The following RPS6KA2 variants were observed in gnomAD, a reference collection of about 807,000 sequenced individuals.
The protein encoded by RPS6KA2 is ribosomal protein S6 kinase A2.
Under a neutral mutation model 91.8 loss-of-function variants are expected in RPS6KA2, and 42 were observed. The ratio of observed to expected loss-of-function variants is 0.46; its 90% CI spans 0.36 to 0.59. The LOEUF (loss-of-function observed/expected upper bound fraction) is 0.59, where lower values mean the gene tolerates loss of function less well. Ranked by LOEUF, RPS6KA2 falls within the 20% of genes least tolerant of loss-of-function variation. RPS6KA2 has a pLI of 0.00. For synonymous variants in RPS6KA2, 414 were observed against 393.6 expected, an observed-to-expected ratio of 1.05 and a Z score of -0.61; for missense variants, 798 against 978.5, an observed-to-expected ratio of 0.82 and a Z score of 2.46.
intron 16 of RPS6KA2, among the ~76,000 whole-genome samples, chr6:166,425,548 G>A (rs1778879077): frequency 6.6e-6 from 1 of 152,114 alleles, no homozygotes; most frequent in African/African-American, 2.4e-5. Flanking sequence ...GCTGTATTCA[G>A]GAAACGCATC....
At chr6:166,538,940 C>CT (rs377486327) in intron 1 of RPS6KA2, among the ~76,000 whole-genome samples, 156 bp from the exon 2 acceptor site, 24 of 148,984 alleles carry the variant, frequency 1.6e-4, no homozygotes, top group East Asian at 3.9e-4. Flanking sequence ...GTGTTTTTTT[C>CT]TTTTTTTTTT....
chr6:166,456,957 CA>C (rs1261969241), intron 12 of RPS6KA2, among the ~76,000 whole-genome samples: 13 of 151,990 alleles, frequency 8.6e-5, no homozygotes, highest in Admixed American at 8.5e-4. Flanking sequence ...TCTAGAAGCT[CA>C]AAAAAAGCTT....
At chr6:166,543,522 T>C (rs1469892221) in intron 1 of RPS6KA2, among the ~76,000 whole-genome samples, 1 of 152,204 alleles carries the variant, frequency 6.6e-6, no homozygotes, top group East Asian at 1.9e-4. Flanking sequence ...TGGGCATGGC[T>C]ATTCACTCCC....
At chr6:166,561,937 G>A (rs371186231) in intron 1 of RPS6KA2, among the ~76,000 whole-genome samples, 10 of 152,196 alleles carry the variant, frequency 6.6e-5, no homozygotes, top group South Asian at 2.1e-4. Flanking sequence ...AAGTGAGGGC[G>A]TACTGAGCAC....
At chr6:166,439,242 G>A (rs1039327154) in intron 14 of RPS6KA2, among the ~76,000 whole-genome samples, 4 of 152,104 alleles carry the variant, frequency 2.6e-5, no homozygotes, top group Non-Finnish European at 5.9e-5. Flanking sequence ...TGAGTAGTTC[G>A]GATTACAGGC....
rs546331042 is a variant in RPS6KA2 at position 166,730,265 on chromosome 6, G to C, written c.123+127935C>G. On this transcript the variant is annotated intron_variant, in intron 2 of 21. Transcript: ENST00000503859. ...TTTTATCTGGTAAACTGTATGGGAG[G>C]CATTGTCAAATGATAAATTATATGG... Among the ~76,000 whole-genome samples, 31 of 150,372 alleles carry C rather than the reference G, an allele frequency of 2.1e-4. 1 individual carries two copies. In the South Asian group the frequency reaches 5.0e-3, roughly 24 times the overall value.
At chr6:166,785,097 T>G (rs1048858783) in intron 2 of RPS6KA2, among the ~76,000 whole-genome samples, 2 of 152,256 alleles carry the variant, frequency 1.3e-5, no homozygotes, top group Non-Finnish European at 2.9e-5. Flanking sequence ...TCTACCTATC[T>G]GTCTGCATCT....
chr6:166,448,910 T>C lies in RPS6KA2; in HGVS notation c.1207-61A>G. On this transcript the variant is annotated intron_variant, in intron 13 of 20. Coordinates refer to ENST00000265678, the MANE Select transcript of RPS6KA2 (RefSeq NM_021135.6). This position sits in a 1 kb window ranked among gnomAD's most constrained non-coding sequence, Gnocchi z 4.7. Reference sequence around the variant, plus strand: ...CCCTCACACGAGGGGACGGTGCAGCTACACGCACACAGAATGTGGGGCGAA... The same window carrying C: ...CCCTCACACGAGGGGACGGTGCAGCCACACGCACACAGAATGTGGGGCGAA... The C allele has an allele frequency of 1.3e-6, 2 of 1,593,842 alleles. No homozygotes were observed. Among genetic ancestry groups the C allele is most frequent in the Non-Finnish European group, 1.7e-6 (2 of 1,165,934 alleles).
In RPS6KA2 at chr6:166,641,499, G is replaced by A. The variant is rs200397252; in HGVS notation, c.124-102715C>T. ...AGCACTTTGGGAGGCTGAGGTGGGC[G>A]GATCACTTGAAGTCAGGAGTTCAAG... On this transcript the variant is annotated intron_variant, in intron 2 of 21. Coordinates refer to the RPS6KA2 transcript ENST00000503859. 4.0e-4 allele frequency among the ~76,000 whole-genome samples: 60 copies of A among 151,686 alleles called. No homozygotes were observed. The East Asian group carries it at 8.1e-3, about 21-fold the overall frequency.
At chr6:166,851,646 C>T (rs373871828) in intron 2 of RPS6KA2, among the ~76,000 whole-genome samples, 10 of 152,136 alleles carry the variant, frequency 6.6e-5, no homozygotes, top group Non-Finnish European at 1.2e-4. Flanking sequence ...AGTCTCCAGC[C>T]GGTGCCCACG....
intron 1 of RPS6KA2, among the ~76,000 whole-genome samples, chr6:166,582,428 G>A (rs1339883404): frequency 6.6e-6 from 1 of 152,226 alleles, no homozygotes; most frequent in Non-Finnish European, 1.5e-5. Flanking sequence ...CCATCACGCT[G>A]ACTGTTCACA....
chr6:166,842,375 GGA>G (rs1250365123), intron 2 of RPS6KA2, among the ~76,000 whole-genome samples: 5 of 152,132 alleles, frequency 3.3e-5, no homozygotes, highest in Non-Finnish European at 7.4e-5. Flanking sequence ...GGTGGAGACT[GGA>G]GAGAGAATCC....
chr6:166,467,174 A>C (rs556178311), intron 11 of RPS6KA2, among the ~76,000 whole-genome samples: 26 of 151,210 alleles, frequency 1.7e-4, no homozygotes, highest in African/African-American at 5.6e-4. Context: ...TCACTCACTC[A>C]CTCCCTTACT....
At position 166,767,920 on chromosome 6, in the gene RPS6KA2, T is replaced by C. The variant is rs1452740711; in HGVS notation, c.123+90280A>G. On this transcript the variant is annotated intron_variant, in intron 2 of 21. Coordinates refer to the RPS6KA2 transcript ENST00000503859. The surrounding 1 kb of genome is among the most constrained non-coding windows in gnomAD (Gnocchi z 4.6). ...GTGCAAACCTTGGGGGTTTTATTTTTCCACGACTGTGGAGTCTGCCTCTGT... is the reference window on the plus strand; with the variant it reads ...GTGCAAACCTTGGGGGTTTTATTTTCCCACGACTGTGGAGTCTGCCTCTGT... Among the ~76,000 whole-genome samples the C allele has an allele frequency of 6.6e-6, 1 of 152,160 alleles. No homozygotes were observed. Among genetic ancestry groups the C allele is most frequent in the Admixed American group, 6.5e-5 (1 of 15,276 alleles).
rs889839737 is a variant in RPS6KA2, at chr6:166,558,238, C to A, written c.100-19454G>T. 9.9e-5 allele frequency among the ~76,000 whole-genome samples: 15 copies of A among 151,448 alleles called. 1 individual carries two copies. The highest frequency in any genetic ancestry group is 9.9e-4 in the Admixed American group (15 of 15,212). Reference sequence around the variant, plus strand: ...GGTCTCCAGTTAGCAGGCTAGAGACCCAGGAAGAACTGATGTTTTAGTTCA... The same window carrying A: ...GGTCTCCAGTTAGCAGGCTAGAGACACAGGAAGAACTGATGTTTTAGTTCA... On this transcript the variant is annotated intron_variant, in intron 1 of 20. Coordinates refer to ENST00000265678, the MANE Select transcript of RPS6KA2 (RefSeq NM_021135.6).
chr6:166,577,048 C>T (rs780078561), intron 1 of RPS6KA2, among the ~76,000 whole-genome samples: 3 of 152,334 alleles, frequency 2.0e-5, no homozygotes, highest in Non-Finnish European at 4.4e-5. Flanking sequence ...AGGGTGGAAG[C>T]CCTAAGCCTT....
chr6:166,747,308 A>G (rs1045447922), intron 2 of RPS6KA2, among the ~76,000 whole-genome samples: 1 of 152,114 alleles, frequency 6.6e-6, no homozygotes, highest in Non-Finnish European at 1.5e-5. Context: ...ACCGATTCCA[A>G]GGGGTTCAGG....
At chr6:166,824,800 T>TGC (rs1780002784) in intron 2 of RPS6KA2, among the ~76,000 whole-genome samples, 1 of 146,116 alleles carries the variant, frequency 6.8e-6, no homozygotes, top group Non-Finnish European at 1.5e-5. Flanking sequence ...TGTGTGTCTG[T>TGC]GTGTCTATGT....
At chr6:166,862,338 C>A in exon 1 of RPS6KA2, 1 of 1,467,744 alleles carries the variant, frequency 6.8e-7, no homozygotes, top group Non-Finnish European at 9.0e-7. Context: ...CAGAGGAGGT[C>A]GTGAGCGCGG....
Sources: gnomAD v4.1 joint callset for allele counts (sites outside exome capture counted in the v4.1 genomes callset) on GRCh38, gnomAD v4.1.1 for gene constraint, Gnocchi (gnomAD v3.1) non-coding constraint, MANE v1.5 for transcripts, NCBI Gene and HGNC (gene_info 2026-07-23, HGNC 2026-07-21) for gene names.